DCDC1: variants seen among roughly 807,000 people sequenced by gnomAD.
DCDC1 encodes the protein doublecortin domain-containing protein 1.
A neutral mutation model predicts 178.3 loss-of-function variants in DCDC1; 200 were observed. The ratio of observed to expected loss-of-function variants is 1.12; its 90% CI spans 1.00 to 1.26. The LOEUF (loss-of-function observed/expected upper bound fraction) is 1.26, where lower values mean the gene tolerates loss of function less well. Among genes scored for constraint, DCDC1 ranks in the 50% most tolerant of loss-of-function variants. The probability of loss-of-function intolerance (pLI) is 0.00; values close to 1 mark genes in which losing one functional copy is unlikely to be tolerated. For synonymous variants in DCDC1, 690 were observed against 604.8 expected, an observed-to-expected ratio of 1.14 and a Z score of -2.07; for missense variants, 1,983 against 1,749.2, an observed-to-expected ratio of 1.13 and a Z score of -2.38.
At chr11:31,296,592 A>G (rs993734655) in intron 6 of DCDC1, among the ~76,000 whole-genome samples, 1 of 152,126 alleles carries the variant, frequency 6.6e-6, no homozygotes, top group African/African-American at 2.4e-5. Context: ...CCTGGTACCA[A>G]TTTACTGTAT....
At chr11:31,364,044 C>T (rs1951835646) in intron 1 of DCDC1, among the ~76,000 whole-genome samples, 1 of 152,142 alleles carries the variant, frequency 6.6e-6, no homozygotes, top group Non-Finnish European at 1.5e-5. Context: ...GAACCATGCA[C>T]TCTCTGAGGG....
At chr11:31,357,484 C>T (rs1484084021) in intron 1 of DCDC1, among the ~76,000 whole-genome samples, 1 of 152,094 alleles carries the variant, frequency 6.6e-6, no homozygotes, top group East Asian at 1.9e-4. Flanking sequence ...CAATATCATA[C>T]TGAATGGGCA....
chr11:31,212,473 C>T (rs1280373265), intron 9 of DCDC1, among the ~76,000 whole-genome samples: 1 of 151,962 alleles, frequency 6.6e-6, no homozygotes, highest in African/African-American at 2.4e-5. Flanking sequence ...ATAAGGAATG[C>T]TTACAATTCA....
chr11:31,133,088 T>C (rs1187095471), intron 10 of DCDC1, among the ~76,000 whole-genome samples: 2 of 152,210 alleles, frequency 1.3e-5, no homozygotes, highest in African/African-American at 4.8e-5. Flanking sequence ...TAATCAGTCT[T>C]CAAAAGCAGA....
Position 31,265,586 on chromosome 11 carries a change from A to G in DCDC1, c.975T>C (p.Cys325=), listed in dbSNP as rs2137110928. 2.1e-6 allele frequency: 3 copies of G among 1,408,488 alleles called. No individual in the cohort carries two copies. Among genetic ancestry groups the G allele is most frequent in the Non-Finnish European group, 2.8e-6 (3 of 1,072,966 alleles). The allele number at this position is 1,408,488 out of a possible 1,614,324, so 87.2% of individuals were successfully genotyped here. A position where few individuals can be genotyped will look rare whatever the true frequency, so the allele number is the denominator to read the frequency against. The stretch of plus-strand genomic sequence containing the variant: ...GTAAATTTAGATTCATTCTTATTGT[A>G]CAAGTATCTAAAACCTGTGCAGGAA... ...KETMKKVLDT[C]TIRMNLNLPA... is the part of the protein sequence containing the mutation. Residue 325 remains cysteine, a synonymous_variant, in exon 8 of 39, where the codon TGT becomes TGC. Coordinates refer to ENST00000684477, the MANE Select transcript of DCDC1 (RefSeq NM_001387274.1).
In DCDC1 at chr11:30,908,894, A is replaced by T. The variant is rs1945259348; in HGVS notation, c.3918+52T>A. 1.6e-5 allele frequency: 23 copies of T among 1,451,006 alleles called. No homozygotes were observed. In the South Asian group the frequency reaches 3.2e-4, roughly 20 times the overall value. 89.9% of individuals were successfully genotyped at this position (1,451,006 alleles called of 1,614,324 possible). A position where few individuals can be genotyped will look rare whatever the true frequency, so the allele number is the denominator to read the frequency against. On this transcript the variant is annotated intron_variant, in intron 29 of 38. Transcript: ENST00000684477. ...AAAAATTTTCTCATTTTATTAAATT[A>T]CTCTCTTTTACCCTATTTTTCTTTT...
chr11:31,082,129 AAAGG>A (rs1957215135), intron 17 of DCDC1, among the ~76,000 whole-genome samples: 1 of 152,214 alleles, frequency 6.6e-6, no homozygotes. Context: ...ATCAATAACG[AAAGG>A]AAGGGAAAAT....
chr11:31,129,999 A>G (rs953499332), intron 10 of DCDC1, among the ~76,000 whole-genome samples: 1 of 152,088 alleles, frequency 6.6e-6, no homozygotes, highest in African/African-American at 2.4e-5. Flanking sequence ...CTAAAGTATC[A>G]TAAGTTAGAT....
intron 2 of DCDC1, among the ~76,000 whole-genome samples, chr11:31,335,074 G>A (rs1386295053): frequency 6.6e-6 from 1 of 152,162 alleles, no homozygotes; most frequent in Middle Eastern, 3.2e-3. Context: ...AGCTTCCCCA[G>A]CTGCTTTGTT....
chr11:31,338,544 G>C (rs1950383337), intron 1 of DCDC1, among the ~76,000 whole-genome samples: 1 of 152,174 alleles, frequency 6.6e-6, no homozygotes, highest in South Asian at 2.1e-4. Flanking sequence ...ATGTTCACTA[G>C]AATCTCTTCC....
chr11:31,014,873 T>G lies in DCDC1; in HGVS notation c.2591+49596A>C, dbSNP rs535289063. The stretch of plus-strand genomic sequence containing the variant: ...ATCCCAAAATTCCAAATGAAAAGTA[T>G]GTTTTAGATAGTGCTCTACTGTGAT... On this transcript the variant is annotated intron_variant, in intron 20 of 38. Transcript: ENST00000684477. 7.2e-4 allele frequency among the ~76,000 whole-genome samples: 110 copies of G among 152,228 alleles called. 1 individual carries two copies. The highest frequency in any genetic ancestry group is 1.2e-3 in the Non-Finnish European group (79 of 68,046).
In DCDC1 at chr11:30,969,515, A is replaced by G. The variant is rs750050180; in HGVS notation, c.2592-16947T>C. ...GATTTTTAAATTTCTGGCATCTAGA[A>G]TTATGAAGATAAATTTCTATTGTTT... On this transcript the variant is annotated intron_variant, in intron 20 of 38. Transcript: ENST00000684477. 5.3e-5 allele frequency among the ~76,000 whole-genome samples: 8 copies of G among 152,320 alleles called. No individual in the cohort carries two copies. The South Asian group carries it at 1.2e-3, about 24-fold the overall frequency.
intron 23 of DCDC1, among the ~76,000 whole-genome samples, chr11:30,924,487 G>A (rs916018565): frequency 5.9e-5 from 9 of 151,966 alleles, no homozygotes; most frequent in Non-Finnish European, 1.3e-4. Context: ...TCAAACCAAT[G>A]CCTCAAATTC....
At chr11:31,194,263 T>C (rs1440994217) in intron 9 of DCDC1, among the ~76,000 whole-genome samples, 1 of 152,118 alleles carries the variant, frequency 6.6e-6, no homozygotes, top group East Asian at 1.9e-4. Context: ...AACACATGTA[T>C]AATCAGTAGG....
intron 36 of DCDC1, 140 bp downstream of exon 36, chr11:30,892,678 T>G: frequency 2.2e-6 from 2 of 919,528 alleles, no homozygotes; most frequent in Non-Finnish European, 3.3e-6. Flanking sequence ...AGATCAATCC[T>G]ATGAGGAAAG....
At chr11:31,115,273 A>G (rs1441098409) in intron 11 of DCDC1, among the ~76,000 whole-genome samples, 1 of 152,106 alleles carries the variant, frequency 6.6e-6, no homozygotes, top group Non-Finnish European at 1.5e-5. Flanking sequence ...ACATCTATTT[A>G]AGGACTTGTG....
At chr11:31,292,910 G>A (rs1303277132) in intron 6 of DCDC1, among the ~76,000 whole-genome samples, 1 of 151,986 alleles carries the variant, frequency 6.6e-6, no homozygotes, top group African/African-American at 2.4e-5. Context: ...TGTAATGGGA[G>A]TTTACCCACA....
intron 11 of DCDC1, among the ~76,000 whole-genome samples, chr11:31,119,746 C>T (rs925187129): frequency 2.6e-5 from 4 of 152,078 alleles, no homozygotes; most frequent in African/African-American, 9.7e-5. Flanking sequence ...TTGTGCCATT[C>T]AAAGAATAAA....
chr11:31,159,402 A>T (rs1289866760), intron 9 of DCDC1, among the ~76,000 whole-genome samples: 3 of 152,142 alleles, frequency 2.0e-5, no homozygotes, highest in Non-Finnish European at 4.4e-5. Flanking sequence ...AACTATTTGC[A>T]TATCTACACT....
Sources: gnomAD v4.1 joint callset for allele counts (sites outside exome capture counted in the v4.1 genomes callset) on GRCh38, gnomAD v4.1.1 for gene constraint, MANE v1.5 for transcripts, NCBI Gene and HGNC (gene_info 2026-07-23, HGNC 2026-07-21) for gene names.